RIC1: variants seen among roughly 807,000 people sequenced by gnomAD.
The protein encoded by RIC1 is guanine nucleotide exchange factor subunit RIC1.
A neutral mutation model predicts 169.0 loss-of-function variants in RIC1; 88 were observed. The ratio of observed to expected loss-of-function variants is 0.52; its 90% confidence interval spans 0.44 to 0.62. The LOEUF (loss-of-function observed/expected upper bound fraction) is 0.62, where lower values mean the gene tolerates loss of function less well. Ranked by LOEUF, RIC1 falls within the 20% of genes least tolerant of loss-of-function variation. The probability of loss-of-function intolerance (pLI) is 0.00; values close to 1 mark genes in which losing one functional copy is unlikely to be tolerated. For synonymous variants in RIC1, 790 were observed against 601.5 expected (o/e 1.31, Z -4.59); for missense variants, 1,877 against 1,725.5 (o/e 1.09, Z -1.56).
At chr9:5,680,025 A>T (rs1820718494) in intron 2 of RIC1, among the ~76,000 whole-genome samples, 1 of 152,134 alleles carries the variant, frequency 6.6e-6, no homozygotes, top group African/African-American at 2.4e-5. Flanking sequence ...ATCAATACCT[A>T]ATTTATTGAG....
chr9:5,670,876 C>T (rs1820049068), intron 2 of RIC1, among the ~76,000 whole-genome samples: 1 of 152,108 alleles, frequency 6.6e-6, no homozygotes, highest in South Asian at 2.1e-4. Flanking sequence ...ATGGGTGCTG[C>T]TGATTGGTTA....
intron 2 of RIC1, among the ~76,000 whole-genome samples, chr9:5,684,101 G>A (rs1296028348): frequency 6.6e-6 from 1 of 152,102 alleles, no homozygotes; most frequent in African/African-American, 2.4e-5. Flanking sequence ...CCCAGGTGAG[G>A]TGATGCCTTG....
intron 12 of RIC1, among the ~76,000 whole-genome samples, chr9:5,751,962 T>C (rs1450413932): frequency 2.0e-5 from 3 of 152,178 alleles, no homozygotes; most frequent in Non-Finnish European, 4.4e-5. Context: ...AAATGAAAAA[T>C]AAATTTGAAC....
intron 2 of RIC1, among the ~76,000 whole-genome samples, chr9:5,676,902 C>G (rs575629589): frequency 3.3e-5 from 5 of 152,316 alleles, no homozygotes; most frequent in African/African-American, 1.2e-4. Context: ...ACGGATTTCT[C>G]ACAGTTGGTT....
chr9:5,702,759 C>T (rs1822311552), intron 3 of RIC1, among the ~76,000 whole-genome samples: 1 of 152,154 alleles, frequency 6.6e-6, no homozygotes, highest in African/African-American at 2.4e-5. Flanking sequence ...GTTGCCCAGG[C>T]TGGTCTCGAA....
intron 9 of RIC1, 100 bp downstream of exon 9, chr9:5,743,113 C>G (rs1825176419): frequency 9.2e-7 from 1 of 1,082,568 alleles, no homozygotes; most frequent in Non-Finnish European, 1.3e-6. Flanking sequence ...TTTGCCTTGA[C>G]TCTTACCTTA....
chr9:5,666,085 C>G lies in RIC1; in HGVS notation c.252+9395C>G, dbSNP rs1440759255. On this transcript the variant is annotated intron_variant, in intron 2 of 25. Transcript: ENST00000414202. ...CCCCACCACTCAGGTATACTCCGTC[C>G]TGGGGGGAAATTAGAGCTCTGTCTA... 3.3e-5 allele frequency among the ~76,000 whole-genome samples: 5 copies of G among 152,138 alleles called. No homozygotes were observed. The East Asian group carries it at 9.6e-4, about 29-fold the overall frequency.
At chr9:5,687,039 C>T (rs1404120530) in intron 2 of RIC1, among the ~76,000 whole-genome samples, 3 of 152,166 alleles carry the variant, frequency 2.0e-5, no homozygotes, top group Non-Finnish European at 2.9e-5. Flanking sequence ...ATTGGCTTTT[C>T]AGGGTACAGA....
intron 2 of RIC1, among the ~76,000 whole-genome samples, 159 bp from the exon 3 acceptor site, chr9:5,689,800 T>TA (rs1821486824): frequency 6.6e-6 from 1 of 152,290 alleles, no homozygotes; most frequent in East Asian, 1.9e-4. Flanking sequence ...TGGGTTATAT[T>TA]AAAAAGTCGC....
At chr9:5,632,034 T>C (rs918738581) in intron 1 of RIC1, among the ~76,000 whole-genome samples, 1 of 152,190 alleles carries the variant, frequency 6.6e-6, no homozygotes, top group Non-Finnish European at 1.5e-5. Flanking sequence ...TAGATACAAG[T>C]AGTTTTATAA....
At chr9:5,696,134 G>C (rs764619090) in intron 3 of RIC1, among the ~76,000 whole-genome samples, 1 of 151,832 alleles carries the variant, frequency 6.6e-6, no homozygotes. Context: ...TACTCTCATT[G>C]GTCTTTTTAG....
intron 8 of RIC1, among the ~76,000 whole-genome samples, chr9:5,740,197 G>T (rs116468418): frequency 1.3e-5 from 2 of 152,070 alleles, no homozygotes; most frequent in Non-Finnish European, 2.9e-5. Context: ...AACTCCTTGC[G>T]TCTCACAAGC....
At chr9:5,764,325 TC>T (rs1467131659) in intron 19 of RIC1, among the ~76,000 whole-genome samples, 25 of 152,186 alleles carry the variant, frequency 1.6e-4, no homozygotes, top group African/African-American at 6.0e-4. Context: ...TAGAGCATGG[TC>T]ATAACAGAGC....
chr9:5,742,947 A>G lies in RIC1; in HGVS notation c.980A>G (p.Tyr327Cys). 1.2e-6 allele frequency: 2 copies of G among 1,613,548 alleles called. No individual in the cohort carries two copies. The highest frequency in any genetic ancestry group is 1.1e-5 in the South Asian group (1 of 91,046). ...DNSVVIVTWE[Y>C]GGLSLWSVFG... ...AGTGTTGTAATAGTGACCTGGGAAT[A>G]CGGAGGCCTTTCTTTATGGAGTGTT... The change falls in exon 9 of 26, where the codon TAC becomes TGC. Residue 327 changes from tyrosine (Y) to cysteine (C), a missense_variant. By Grantham distance (194) the Tyr-to-Cys change is radical (BLOSUM62 -2). Coordinates refer to ENST00000414202, the MANE Select transcript of RIC1 (RefSeq NM_020829.4).
intron 2 of RIC1, among the ~76,000 whole-genome samples, chr9:5,685,764 A>T (rs941351915): frequency 6.7e-6 from 1 of 148,166 alleles, no homozygotes; most frequent in East Asian, 2.1e-4. Context: ...ACAAAAGCCA[A>T]AATTGACAAA....
chr9:5,735,449 A>C (rs180859395), intron 7 of RIC1, among the ~76,000 whole-genome samples: 78 of 152,362 alleles, frequency 5.1e-4, no homozygotes, highest in African/African-American at 1.6e-3. Flanking sequence ...TGGGCTTATA[A>C]GCTACATGAT....
intron 2 of RIC1, among the ~76,000 whole-genome samples, chr9:5,689,217 T>C (rs1365782322): frequency 6.6e-6 from 1 of 151,014 alleles, no homozygotes; most frequent in East Asian, 1.9e-4. Flanking sequence ...CCCGGCTAAT[T>C]TTTTTGTATT....
chr9:5,686,859 A>G (rs1436651374), intron 2 of RIC1, among the ~76,000 whole-genome samples: 1 of 152,220 alleles, frequency 6.6e-6, no homozygotes, highest in Non-Finnish European at 1.5e-5. Flanking sequence ...GAGGCCTCAT[A>G]AAATGAGATA....
At chr9:5,711,830 G>GT (rs1822946082) in intron 3 of RIC1, among the ~76,000 whole-genome samples, 2 of 152,200 alleles carry the variant, frequency 1.3e-5, no homozygotes, top group South Asian at 4.2e-4. Context: ...GCGGTGTTTG[G>GT]TTTTTTGTCC....
Sources: allele counts gnomAD v4.1 joint callset (sites outside exome capture counted in the v4.1 genomes callset), GRCh38; gene constraint gnomAD v4.1.1; transcripts MANE v1.5; gene names NCBI Gene and HGNC (gene_info 2026-07-23, HGNC 2026-07-21).